Variants in DLG2 observed in about 807,000 individuals in gnomAD.
DLG2 encodes the protein disks large homolog 2.
DLG2 carries 45 observed loss-of-function variants against 132.5 expected under a neutral mutation model. The ratio of observed to expected loss-of-function variants is 0.34; its 90% CI spans 0.27 to 0.44. The LOEUF (loss-of-function observed/expected upper bound fraction) is 0.44. DLG2 is among the 20% of genes least tolerant of loss of function. DLG2 has a pLI of 1.00. For synonymous variants in DLG2, 424 were observed against 419.6 expected, an observed-to-expected ratio of 1.01 and a Z score of -0.13; for missense variants, 1,045 against 1,196.9, an observed-to-expected ratio of 0.87 and a Z score of 1.87.
chr11:84,515,803 T>A (rs549046093), intron 7 of DLG2, among the ~76,000 whole-genome samples: 3 of 151,948 alleles, frequency 2.0e-5, no homozygotes, highest in African/African-American at 7.2e-5. Context: ...TAAGTGCACA[T>A]AGAGCATTTT....
chr11:85,191,607 A>G (rs2080581374), intron 4 of DLG2, among the ~76,000 whole-genome samples: 1 of 152,204 alleles, frequency 6.6e-6, no homozygotes, highest in African/African-American at 2.4e-5. Context: ...TATTACAGGG[A>G]ACCTTTGGAG....
At chr11:84,648,889 A>G (rs1292616077) in intron 6 of DLG2, among the ~76,000 whole-genome samples, 2 of 151,888 alleles carry the variant, frequency 1.3e-5, no homozygotes, top group Non-Finnish European at 2.9e-5. Flanking sequence ...CCAAATAAAA[A>G]TTTTTTTCTT....
At chr11:84,851,362 T>C (rs1051666742) in intron 6 of DLG2, among the ~76,000 whole-genome samples, 1 of 152,104 alleles carries the variant, frequency 6.6e-6, no homozygotes, top group Admixed American at 6.6e-5. Flanking sequence ...ACTATATGAG[T>C]ATATGACCTG....
intron 3 of DLG2, among the ~76,000 whole-genome samples, chr11:85,470,543 TGAA>T (rs2092952280): frequency 6.6e-6 from 1 of 152,080 alleles, no homozygotes; most frequent in South Asian, 2.1e-4. Context: ...GCCCACATGG[TGAA>T]ACCCCATCTC....
chr11:84,884,578 G>C (rs1416727708), intron 6 of DLG2, among the ~76,000 whole-genome samples: 1 of 152,092 alleles, frequency 6.6e-6, no homozygotes, highest in African/African-American at 2.4e-5. Context: ...GGACAACTTT[G>C]ACTATACAAC....
intron 3 of DLG2, among the ~76,000 whole-genome samples, chr11:85,320,256 G>A (rs917653742): frequency 2.0e-5 from 3 of 152,024 alleles, no homozygotes; most frequent in African/African-American, 7.2e-5. Context: ...AATTCATCTA[G>A]TCCAGCAGCC....
At chr11:85,093,960 A>G (rs1040559705) in intron 6 of DLG2, among the ~76,000 whole-genome samples, 2 of 152,248 alleles carry the variant, frequency 1.3e-5, no homozygotes, top group East Asian at 1.9e-4. Flanking sequence ...ACAAGGTATA[A>G]TAATAGTTCT....
chr11:83,587,771 T>C (rs1257340760), intron 19 of DLG2, among the ~76,000 whole-genome samples: 1 of 151,938 alleles, frequency 6.6e-6, no homozygotes, highest in East Asian at 1.9e-4. Flanking sequence ...TGGGCGCAGG[T>C]CAGTGGGTGC....
chr11:84,547,153 G>A (rs79773696), intron 6 of DLG2, among the ~76,000 whole-genome samples: 5,081 of 152,214 alleles, frequency 0.033, 96 homozygotes, highest in Middle Eastern at 0.058. Flanking sequence ...AGAAGAGTGA[G>A]TGTCTGTGAT....
intron 6 of DLG2, among the ~76,000 whole-genome samples, chr11:84,928,978 GTGTGTATATA>G (rs1226585582): frequency 1.8e-3 from 54 of 29,852 alleles, no homozygotes; most frequent in Admixed American, 4.2e-3. Context: ...GTGTGTGTGT[GTGTGTATATA>G]TATATATATA....
intron 18 of DLG2, among the ~76,000 whole-genome samples, chr11:83,769,061 C>G (rs1366663002): frequency 1.3e-5 from 2 of 152,188 alleles, no homozygotes; most frequent in Non-Finnish European, 2.9e-5. Flanking sequence ...ACTGGGCACT[C>G]CATAATGATA....
chr11:83,824,075 C>T (rs2051729531), intron 17 of DLG2, among the ~76,000 whole-genome samples: 1 of 152,136 alleles, frequency 6.6e-6, no homozygotes, highest in African/African-American at 2.4e-5. Context: ...TTCTCTGAGC[C>T]TTCAATCCAA....
intron 18 of DLG2, among the ~76,000 whole-genome samples, chr11:83,737,468 G>A (rs1245145148): frequency 6.6e-6 from 1 of 151,964 alleles, no homozygotes; most frequent in African/African-American, 2.4e-5. Flanking sequence ...TGCTCTCTTG[G>A]AGCTATACTT....
intron 6 of DLG2, among the ~76,000 whole-genome samples, chr11:84,915,606 C>G (rs2092403341): frequency 6.6e-6 from 1 of 152,166 alleles, no homozygotes; most frequent in African/African-American, 2.4e-5. Flanking sequence ...GATTCCCAGG[C>G]TGCTTTCCTA....
At chr11:84,154,674 G>A (rs2095388910) in intron 9 of DLG2, among the ~76,000 whole-genome samples, 1 of 152,010 alleles carries the variant, frequency 6.6e-6, no homozygotes, top group South Asian at 2.1e-4. Context: ...ACAGGCCCTG[G>A]TGTGTGATGT....
At chr11:84,406,406 C>T (rs932701559) in intron 7 of DLG2, among the ~76,000 whole-genome samples, 1 of 152,162 alleles carries the variant, frequency 6.6e-6, no homozygotes, top group Non-Finnish European at 1.5e-5. Context: ...GCAGCCTTGA[C>T]CTCCTGGGCT....
chr11:85,557,171 G>A (rs2076987144), intron 3 of DLG2, among the ~76,000 whole-genome samples: 1 of 151,622 alleles, frequency 6.6e-6, no homozygotes, highest in Admixed American at 6.6e-5. Context: ...ACCAAACTGA[G>A]AAACAAATCA....
At chr11:83,472,615 A>G in intron 23 of DLG2, 112 bp downstream of exon 23, 1 of 888,248 alleles carries the variant, frequency 1.1e-6, no homozygotes, top group Non-Finnish European at 1.8e-6. Flanking sequence ...TCTCAAGACA[A>G]CAGAGCATTA....
At chr11:85,404,092 A>T (rs2088479728) in intron 3 of DLG2, among the ~76,000 whole-genome samples, 1 of 152,042 alleles carries the variant, frequency 6.6e-6, no homozygotes, top group South Asian at 2.1e-4. Context: ...TTATGAAAAG[A>T]GTAGCTCTGG....
Sources: gnomAD v4.1 joint callset for allele counts (sites outside exome capture counted in the v4.1 genomes callset) on GRCh38, gnomAD v4.1.1 for gene constraint, MANE v1.5 for transcripts, NCBI Gene and HGNC (gene_info 2026-07-23, HGNC 2026-07-21) for gene names.